The following FNDC3A variants were observed in gnomAD, a reference collection of about 807,000 sequenced individuals.
The protein encoded by FNDC3A is fibronectin type-III domain-containing protein 3A.
A neutral mutation model predicts 148.9 loss-of-function variants in FNDC3A; 32 were observed. The observed-to-expected ratio is 0.21, with a 90% CI of 0.16 to 0.29. The LOEUF is 0.29. Ranked by LOEUF, FNDC3A falls within the 10% of genes least tolerant of loss-of-function variation. The pLI is 1.00. For synonymous variants in FNDC3A, 472 were observed against 473.6 expected, an observed-to-expected ratio of 1.00 and a Z score of 0.04; for missense variants, 1,191 against 1,452.8, an observed-to-expected ratio of 0.82 and a Z score of 2.93.
chr13:49,002,375 G>T (rs1353724805), intron 1 of FNDC3A, among the ~76,000 whole-genome samples: 1 of 152,114 alleles, frequency 6.6e-6, no homozygotes, highest in Non-Finnish European at 1.5e-5. Flanking sequence ...TTATGAAAGG[G>T]TGTTAAATTT....
At chr13:49,142,108 T>G (rs1322191110) in intron 7 of FNDC3A, among the ~76,000 whole-genome samples, 1 of 152,224 alleles carries the variant, frequency 6.6e-6, no homozygotes, top group Non-Finnish European at 1.5e-5. Context: ...AGCATACAAA[T>G]AGAGTTCAAA....
chr13:49,015,861 CAT>C (rs1309983716), intron 2 of FNDC3A, among the ~76,000 whole-genome samples: 1 of 151,652 alleles, frequency 6.6e-6, no homozygotes, highest in Non-Finnish European at 1.5e-5. Context: ...TTGAGATAAT[CAT>C]GTGGTTTTTG....
At chr13:49,070,070 C>T (rs1352938682) in intron 2 of FNDC3A, among the ~76,000 whole-genome samples, 1 of 152,112 alleles carries the variant, frequency 6.6e-6, no homozygotes, top group East Asian at 1.9e-4. Flanking sequence ...ACCTCTGGAT[C>T]AGTGTTGCCT....
chr13:49,186,045 C>G lies in FNDC3A; in HGVS notation c.1699C>G (p.Pro567Ala). ...TACTTGCCCTGATAAACCAGGCATA[C>G]CTGTAAAGCCTTCAGTGAAAGGAAA... ...FTTCPDKPGI[P>A]VKPSVKGKIH... Residue 567 changes from proline (P) to alanine (A), a missense_variant, in exon 15 of 26, where the codon CCT becomes GCT. By Grantham distance (27) the Pro-to-Ala change is conservative. Coordinates refer to ENST00000492622, the MANE Select transcript of FNDC3A (RefSeq NM_001079673.2). 6.2e-7 allele frequency: 1 copy of G among 1,611,974 alleles called. No individual in the cohort carries two copies. Among genetic ancestry groups the G allele is most frequent in the Non-Finnish European group, 8.5e-7 (1 of 1,178,222 alleles).
chr13:49,107,732 C>T (rs939154775), intron 3 of FNDC3A, among the ~76,000 whole-genome samples: 12 of 152,048 alleles, frequency 7.9e-5, no homozygotes, highest in African/African-American at 1.9e-4. Context: ...TAAAGTGTAA[C>T]GAGAATCTCT....
chr13:49,201,952 C>A lies in FNDC3A; in HGVS notation c.3140C>A (p.Pro1047Gln). The part of the protein sequence containing the change: ...EYIFTTPKSV[P>Q]AALKAPKIEK... ...ATTTTCACTACTCCAAAATCTGTCC[C>A]AGCTGCCTTGAAAGGTAAGTTATAC... The change falls in exon 24 of 26, where the codon CCA becomes CAA. Residue 1047 changes from proline (P) to glutamine (Q), a missense_variant. Transcript: ENST00000492622. 1 of 1,562,346 alleles carries A rather than the reference C, an allele frequency of 6.4e-7. No homozygotes were observed. Among genetic ancestry groups the A allele is most frequent in the Non-Finnish European group, 8.6e-7 (1 of 1,158,348 alleles).
At chr13:48,995,015 T>C (rs913429169) in intron 1 of FNDC3A, among the ~76,000 whole-genome samples, 2 of 152,144 alleles carry the variant, frequency 1.3e-5, no homozygotes, top group African/African-American at 4.8e-5. Context: ...CATCATGATC[T>C]GAGAATGAAA....
chr13:49,127,497 G>C (rs1312635767), intron 4 of FNDC3A, among the ~76,000 whole-genome samples: 2 of 152,148 alleles, frequency 1.3e-5, no homozygotes, highest in African/African-American at 4.8e-5. Context: ...GCTAAATCCA[G>C]TGGTCAGATT....
intron 1 of FNDC3A, among the ~76,000 whole-genome samples, chr13:48,979,874 C>T (rs1951667293): frequency 6.6e-6 from 1 of 151,914 alleles, no homozygotes; most frequent in South Asian, 2.1e-4. Context: ...ACATTGTTGT[C>T]TCAAGAGCCA....
chr13:49,067,994 G>GAAAT (rs1359553102), intron 2 of FNDC3A, among the ~76,000 whole-genome samples: 1 of 151,872 alleles, frequency 6.6e-6, no homozygotes, highest in Non-Finnish European at 1.5e-5. Context: ...AAATGTGTTG[G>GAAAT]AAATAAAAGC....
chr13:49,025,012 A>C (rs1873597949), intron 2 of FNDC3A, among the ~76,000 whole-genome samples: 2 of 151,934 alleles, frequency 1.3e-5, no homozygotes, highest in African/African-American at 4.8e-5. Context: ...TTATCTCCTA[A>C]ATAGCTTTTT....
At chr13:49,127,078 T>C (rs1881745435) in intron 4 of FNDC3A, among the ~76,000 whole-genome samples, 1 of 152,148 alleles carries the variant, frequency 6.6e-6, no homozygotes, top group Non-Finnish European at 1.5e-5. Context: ...AAACTCTGTT[T>C]CCTCATCTGT....
chr13:49,025,669 CTT>C (rs1300876534), intron 2 of FNDC3A, among the ~76,000 whole-genome samples: 6 of 152,082 alleles, frequency 3.9e-5, no homozygotes, highest in Admixed American at 2.6e-4. Context: ...AATACCCTAT[CTT>C]GAGGTGATTA....
chr13:49,033,092 CTTGT>C (rs1874245457), intron 2 of FNDC3A, among the ~76,000 whole-genome samples: 1 of 152,060 alleles, frequency 6.6e-6, no homozygotes, highest in African/African-American at 2.4e-5. Flanking sequence ...TACACTGATG[CTTGT>C]TTCTTTTATA....
intron 2 of FNDC3A, among the ~76,000 whole-genome samples, chr13:49,025,343 T>C (rs1041352548): frequency 5.9e-5 from 9 of 152,096 alleles, no homozygotes; most frequent in Admixed American, 1.3e-4. Context: ...AAAATGTATA[T>C]TCTAATATTT....
At position 49,207,639 on chromosome 13, in the gene FNDC3A, C is replaced by T; in HGVS notation, c.*244C>T. On this transcript the variant is annotated 3_prime_UTR_variant, in exon 26 of 26. Coordinates refer to ENST00000492622, the MANE Select transcript of FNDC3A (RefSeq NM_001079673.2). ...GGGTCTTCTTTTTTTCTTTCCCTCT[C>T]TCTTTTTTTAACAAATGCCTTCTTA... The T allele has an allele frequency of 5.5e-6, 2 of 364,660 alleles. No individual in the cohort carries two copies. The highest frequency in any genetic ancestry group is 4.4e-5 in the Admixed American group (1 of 22,928). The allele number at this position is 364,660 out of a possible 1,614,324, so 22.6% of individuals were successfully genotyped here.
intron 4 of FNDC3A, among the ~76,000 whole-genome samples, chr13:49,125,137 T>A (rs1052126558): frequency 1.3e-5 from 2 of 152,208 alleles, no homozygotes; most frequent in African/African-American, 2.4e-5. Flanking sequence ...CTGTGCTTGC[T>A]GTTTCATTTT....
chr13:48,977,930 T>C (rs573182297), intron 1 of FNDC3A, among the ~76,000 whole-genome samples: 11 of 152,324 alleles, frequency 7.2e-5, no homozygotes, highest in African/African-American at 2.6e-4. Flanking sequence ...TAGCCACCTG[T>C]ATGCTTCTGA....
At chr13:49,051,977 C>T (rs1875875439) in intron 2 of FNDC3A, among the ~76,000 whole-genome samples, 1 of 152,016 alleles carries the variant, frequency 6.6e-6, no homozygotes, top group Admixed American at 6.6e-5. Flanking sequence ...TGAGACTTTC[C>T]AGTGCATTTT....
Sources: gnomAD v4.1 joint callset for allele counts (sites outside exome capture counted in the v4.1 genomes callset) on GRCh38, gnomAD v4.1.1 for gene constraint, MANE v1.5 for transcripts, NCBI Gene and HGNC (gene_info 2026-07-23, HGNC 2026-07-21) for gene names.